The following ZFAT variants were observed in gnomAD, a reference collection of about 807,000 sequenced individuals.
ZFAT encodes the protein zinc finger and AT-hook domain containing.
ZFAT carries 64 observed loss-of-function variants against 117.7 expected under a neutral mutation model. The observed-to-expected ratio is 0.54, with a 90% confidence interval of 0.44 to 0.67. The LOEUF is 0.67. Ranked by LOEUF, ZFAT falls within the 30% of genes least tolerant of loss-of-function variation. The pLI is 0.00. For synonymous variants in ZFAT, 679 were observed against 615.0 expected (o/e 1.10, Z -1.54); for missense variants, 1,433 against 1,584.5 (o/e 0.90, Z 1.62).
At chr8:134,663,991 G>A (rs1022804227) in intron 1 of ZFAT, among the ~76,000 whole-genome samples, 46 of 152,274 alleles carry the variant, frequency 3.0e-4, no homozygotes, top group African/African-American at 1.1e-3. Context: ...CGTGAGCAGA[G>A]GAAAGGGGAA....
chr8:134,648,867 T>C lies in ZFAT; in HGVS notation c.196+8694A>G, dbSNP rs117859643. Among the ~76,000 whole-genome samples the C allele has an allele frequency of 1.0e-3, 154 of 152,026 alleles. 1 individual carries two copies. In the East Asian group the frequency reaches 0.023, roughly 23 times the overall value. On this transcript the variant is annotated intron_variant, in intron 2 of 15. Transcript: ENST00000377838. ...TATCTCTTATGAATATAAATGCAAA[T>C]ATGTTTAACAAAATACTAGGAAACT... is the stretch of plus-strand genomic sequence containing the variant.
chr8:134,696,172 G>A (rs947887918), intron 1 of ZFAT, among the ~76,000 whole-genome samples: 1 of 152,102 alleles, frequency 6.6e-6, no homozygotes, highest in African/African-American at 2.4e-5. Flanking sequence ...CCACCCCCAG[G>A]CCCTGGCCCC....
chr8:134,768,474 A>G, the ZFAT span, among the ~76,000 whole-genome samples: 1 of 152,212 alleles, frequency 6.6e-6, no homozygotes, highest in Admixed American at 6.5e-5. Context: ...TAGCCAATTT[A>G]CAAAAGAAAG....
At chr8:134,572,793 C>T (rs1427065490) in intron 10 of ZFAT, among the ~76,000 whole-genome samples, 1 of 143,324 alleles carries the variant, frequency 7.0e-6, no homozygotes, top group African/African-American at 2.9e-5. Flanking sequence ...AAGAATATTG[C>T]CACGGTGGGG....
chr8:134,500,149 A>G (rs1356028343), intron 15 of ZFAT, among the ~76,000 whole-genome samples: 1 of 152,238 alleles, frequency 6.6e-6, no homozygotes, highest in Non-Finnish European at 1.5e-5. Context: ...AAGTGATCTC[A>G]GCCAGCAAGG....
At chr8:134,742,980 A>C in the ZFAT span, among the ~76,000 whole-genome samples, 1 of 152,184 alleles carries the variant, frequency 6.6e-6, no homozygotes, top group Non-Finnish European at 1.5e-5. Context: ...GGTCCACGTT[A>C]GACTTGCCCA....
intron 2 of ZFAT, among the ~76,000 whole-genome samples, chr8:134,650,186 C>T (rs1008496118): frequency 1.3e-5 from 2 of 150,632 alleles, no homozygotes; most frequent in African/African-American, 4.9e-5. Context: ...GTAGTGGTGC[C>T]ATCTTGGCTC....
chr8:134,551,013 A>C (rs1174330357), intron 11 of ZFAT, among the ~76,000 whole-genome samples: 1 of 152,156 alleles, frequency 6.6e-6, no homozygotes, highest in African/African-American at 2.4e-5. Context: ...GAACCTGGAA[A>C]ATGTTCTGGC....
chr8:134,645,811 C>T (rs1160674186), intron 2 of ZFAT, among the ~76,000 whole-genome samples: 3 of 152,102 alleles, frequency 2.0e-5, no homozygotes, highest in Non-Finnish European at 4.4e-5. Flanking sequence ...ACCGAACATG[C>T]CACCCAGCAA....
At chr8:134,662,156 C>T (rs186177889) in intron 1 of ZFAT, among the ~76,000 whole-genome samples, 41 of 152,256 alleles carry the variant, frequency 2.7e-4, no homozygotes, top group Non-Finnish European at 5.4e-4. Context: ...GCTGTGTCCT[C>T]ACATGGTGGA....
intron 11 of ZFAT, among the ~76,000 whole-genome samples, chr8:134,536,360 C>T (rs1396428607): frequency 3.3e-5 from 5 of 152,206 alleles, no homozygotes; most frequent in Non-Finnish European, 5.9e-5. Flanking sequence ...GCAGCCTTTT[C>T]ACTGCTGACC....
chr8:134,511,978 C>T (rs1819881512), intron 14 of ZFAT, among the ~76,000 whole-genome samples: 1 of 152,206 alleles, frequency 6.6e-6, no homozygotes, highest in South Asian at 2.1e-4. Flanking sequence ...CACTGCCTGC[C>T]TGGCCCCTGT....
chr8:134,795,219 G>A, the ZFAT span: 13,491 of 152,230 alleles, frequency 0.089, 669 homozygotes, highest in South Asian at 0.14. Flanking sequence ...GGGACCCGTA[G>A]ATAGCTTCAG....
chr8:134,777,905 C>A, the ZFAT span, among the ~76,000 whole-genome samples: 8 of 152,114 alleles, frequency 5.3e-5, no homozygotes, highest in Non-Finnish European at 1.5e-5. Context: ...TCATTCCATT[C>A]CACATTTCAG....
chr8:134,762,435 A>T, the ZFAT span, among the ~76,000 whole-genome samples: 1 of 152,150 alleles, frequency 6.6e-6, no homozygotes, highest in Non-Finnish European at 1.5e-5. Context: ...ACCTTAGCCT[A>T]CCTTTCAGGA....
At position 134,509,731 on chromosome 8, in the gene ZFAT, G is replaced by T. The variant is rs749055033; in HGVS notation, c.3380C>A (p.Thr1127Lys). ...TSESGDRLDP[T>K]AVNILQQIIE... Reference sequence around the variant, plus strand: ...GATCTGCTGCAGGATGTTCACGGCCGTGGGGTCCAGTCGGTCGCCTTAAGA... The same window carrying T: ...GATCTGCTGCAGGATGTTCACGGCCTTGGGGTCCAGTCGGTCGCCTTAAGA... Residue 1127 changes from threonine to lysine, a missense_variant, in exon 15 of 16, where the codon ACG (threonine) becomes AAG (lysine). Thr to Lys is a moderately conservative substitution (Grantham distance 78, BLOSUM62 -1). Around this residue, in one of 5 missense-constraint regions of ZFAT, gnomAD observed 503 missense variants for 543.4 expected, o/e 0.93. Transcript: ENST00000377838. The T allele has an allele frequency of 3.1e-6, 5 of 1,608,074 alleles. No homozygotes were observed. The highest frequency in any genetic ancestry group is 3.4e-6 in the Non-Finnish European group (4 of 1,177,996).
chr8:134,589,052 T>C lies in ZFAT; in HGVS notation c.2564-657A>G, dbSNP rs576423485. 2.0e-5 allele frequency among the ~76,000 whole-genome samples: 3 copies of C among 152,366 alleles called. No homozygotes were observed. In the South Asian group the frequency reaches 6.2e-4, roughly 32 times the overall value. On this transcript the variant is annotated intron_variant, in intron 8 of 15. Transcript: ENST00000377838. ...ACATGAAAAAGAGTTTGACAAAATG[T>C]GGATAACTGTGGAAGCTAAGTGACA...
At chr8:134,588,544 C>T in intron 8 of ZFAT, 149 bp from the exon 9 acceptor site, 2 of 845,128 alleles carry the variant, frequency 2.4e-6, no homozygotes, top group East Asian at 2.9e-5. Flanking sequence ...AAAAGTAAAA[C>T]CAGAACCAAA....
intron 15 of ZFAT, among the ~76,000 whole-genome samples, chr8:134,481,699 G>A (rs1316627386): frequency 6.6e-6 from 1 of 152,236 alleles, no homozygotes; most frequent in Non-Finnish European, 1.5e-5. Flanking sequence ...AACCAGCCAG[G>A]AGGAAGCAGG....
Sources: gnomAD v4.1 joint callset for allele counts (sites outside exome capture counted in the v4.1 genomes callset) on GRCh38, gnomAD v4.1.1 for gene constraint, gnomAD v4.1.1 regional missense constraint, MANE v1.5 for transcripts, NCBI Gene and HGNC (gene_info 2026-07-23, HGNC 2026-07-21) for gene names.